NPSR1: variants seen among roughly 807,000 people sequenced by gnomAD.
NPSR1 encodes the protein neuropeptide S receptor 1.
A neutral mutation model predicts 46.9 loss-of-function variants in NPSR1; 48 were observed. That is an observed-to-expected ratio of 1.02 (90% confidence interval 0.81 to 1.30). The LOEUF is 1.30. Among genes scored for constraint, NPSR1 ranks in the 50% most tolerant of loss-of-function variants. The probability of loss-of-function intolerance (pLI) is 0.00; values close to 1 mark genes in which losing one functional copy is unlikely to be tolerated. For missense variants in NPSR1, 450 were observed against 449.5 expected, an observed-to-expected ratio of 1.00 and a Z score of -0.01; for synonymous variants, 176 against 168.1, an observed-to-expected ratio of 1.05 and a Z score of -0.36.
intron 1 of NPSR1, among the ~76,000 whole-genome samples, chr7:34,660,431 G>A (rs1168998821): frequency 1.3e-5 from 2 of 152,110 alleles, no homozygotes; most frequent in African/African-American, 2.4e-5. Context: ...TGTTGATACA[G>A]AAATAGTTCC....
intron 1 of NPSR1, among the ~76,000 whole-genome samples, chr7:34,671,988 G>T (rs1195205646): frequency 6.6e-6 from 1 of 152,098 alleles, no homozygotes; most frequent in Admixed American, 6.6e-5. Flanking sequence ...TTTTAATTAC[G>T]TGGATCATCA....
At chr7:34,728,466 C>T (rs1784267125) in intron 2 of NPSR1, among the ~76,000 whole-genome samples, 1 of 152,188 alleles carries the variant, frequency 6.6e-6, no homozygotes, top group South Asian at 2.1e-4. Context: ...GTGCCTCATC[C>T]CCCGACAAAG....
chr7:34,784,063 A>G (rs1399041882), intron 3 of NPSR1, among the ~76,000 whole-genome samples: 1 of 152,160 alleles, frequency 6.6e-6, no homozygotes. Flanking sequence ...TGACATGAAA[A>G]TATATAAAAG....
chr7:34,859,903 G>T (rs1466234744), intron 8 of NPSR1, among the ~76,000 whole-genome samples: 1 of 151,616 alleles, frequency 6.6e-6, no homozygotes, highest in African/African-American at 2.4e-5. Context: ...AGTTCCTCAT[G>T]GCCAGGAACT....
rs1330836779 is a variant in NPSR1 at position 34,863,154 on chromosome 7, G to A, written c.1025+14491G>A. ...GAAAAGATTCCCTATTTAATAAATTGTGTTGGGGAAATAGGCTAGCCATAT... is the reference window on the plus strand; with the variant it reads ...GAAAAGATTCCCTATTTAATAAATTATGTTGGGGAAATAGGCTAGCCATAT... On this transcript the variant is annotated intron_variant, in intron 8 of 8. Transcript: ENST00000359791. Among the ~76,000 whole-genome samples the A allele has an allele frequency of 8.6e-5, 13 of 151,834 alleles. 1 individual carries two copies. Among genetic ancestry groups the A allele is most frequent in the Admixed American group, 6.5e-4 (10 of 15,274 alleles).
chr7:34,850,802 C>T (rs969291267), downstream of NPSR1, among the ~76,000 whole-genome samples: 3 of 152,134 alleles, frequency 2.0e-5, no homozygotes, highest in Non-Finnish European at 2.9e-5. Context: ...GTTTTTAAAT[C>T]CCTGAACACT....
At chr7:34,733,529 T>C (rs1784534509) in intron 2 of NPSR1, among the ~76,000 whole-genome samples, 2 of 152,220 alleles carry the variant, frequency 1.3e-5, no homozygotes, top group African/African-American at 2.4e-5. Context: ...AGTTCAAATT[T>C]TTAGGAAATA....
At chr7:34,769,731 C>T (rs1226055287) in intron 2 of NPSR1, among the ~76,000 whole-genome samples, 1 of 152,186 alleles carries the variant, frequency 6.6e-6, no homozygotes, top group Non-Finnish European at 1.5e-5. Context: ...CTTTTGTGCT[C>T]CAACTGGAAC....
intron 2 of NPSR1, among the ~76,000 whole-genome samples, chr7:34,775,133 C>A (rs1786892303): frequency 6.6e-6 from 1 of 152,164 alleles, no homozygotes; most frequent in African/African-American, 2.4e-5. Flanking sequence ...CTTGTTGACT[C>A]TTAATGACAT....
intron 3 of NPSR1, among the ~76,000 whole-genome samples, chr7:34,787,301 G>C (rs1334092446): frequency 1.3e-5 from 2 of 152,072 alleles, no homozygotes; most frequent in Admixed American, 1.3e-4. Flanking sequence ...TTCTGCTGCA[G>C]CTTTCACATC....
intron 8 of NPSR1, among the ~76,000 whole-genome samples, chr7:34,869,497 G>C (rs1300822767): frequency 1.3e-5 from 2 of 151,526 alleles, no homozygotes; most frequent in African/African-American, 4.9e-5. Context: ...TCACCTCACT[G>C]TACTCCTCCA....
intron 3 of NPSR1, among the ~76,000 whole-genome samples, chr7:34,780,782 T>G (rs958629973): frequency 1.3e-5 from 2 of 152,168 alleles, no homozygotes; most frequent in African/African-American, 4.8e-5. Flanking sequence ...TGCCATTATT[T>G]GACATGTCTG....
At chr7:34,865,770 G>C (rs1791299743) in intron 8 of NPSR1, among the ~76,000 whole-genome samples, 1 of 151,666 alleles carries the variant, frequency 6.6e-6, no homozygotes, top group Non-Finnish European at 1.5e-5. Flanking sequence ...GCTTGGGTGA[G>C]AGTTAAAGGA....
At chr7:34,750,609 C>T in intron 2 of NPSR1, 1 of 680,908 alleles carries the variant, frequency 1.5e-6, no homozygotes. Flanking sequence ...TCAAATTCAT[C>T]TATTATAGCC....
chr7:34,682,112 G>C (rs916483031), intron 1 of NPSR1, among the ~76,000 whole-genome samples: 2 of 152,230 alleles, frequency 1.3e-5, no homozygotes, highest in African/African-American at 4.8e-5. Flanking sequence ...CCAAGCTCAT[G>C]CTACACAGGT....
At chr7:34,849,389 T>C in intron 8 of NPSR1, 176 bp from the exon 9 acceptor site, 1 of 1,553,406 alleles carries the variant, frequency 6.4e-7, no homozygotes, top group Non-Finnish European at 8.7e-7. Flanking sequence ...TGCTGACCAG[T>C]GAGAAGGAGA....
chr7:34,776,577 C>T (rs970403355), intron 2 of NPSR1, among the ~76,000 whole-genome samples: 2 of 152,012 alleles, frequency 1.3e-5, no homozygotes, highest in Admixed American at 6.6e-5. Context: ...CTTTATTTTC[C>T]GCCTACATAT....
At chr7:34,668,572 C>T (rs1450251267) in intron 1 of NPSR1, among the ~76,000 whole-genome samples, 2 of 152,138 alleles carry the variant, frequency 1.3e-5, no homozygotes, top group Non-Finnish European at 2.9e-5. Flanking sequence ...GCTGAGGAAA[C>T]AAATAACTGG....
intron 4 of NPSR1, among the ~76,000 whole-genome samples, chr7:34,820,710 C>T (rs913911368): frequency 1.3e-5 from 2 of 151,914 alleles, no homozygotes; most frequent in African/African-American, 2.4e-5. Context: ...TCCGAAATGG[C>T]AGGGTTGGGT....
Sources: gnomAD v4.1 joint callset for allele counts (sites outside exome capture counted in the v4.1 genomes callset) on GRCh38, gnomAD v4.1.1 for gene constraint, MANE v1.5 for transcripts, NCBI Gene and HGNC (gene_info 2026-07-23, HGNC 2026-07-21) for gene names.